CACNA1B: variants seen among roughly 807,000 people sequenced by gnomAD.
The protein encoded by CACNA1B is calcium voltage-gated channel subunit alpha1 B, also known as voltage-dependent N-type calcium channel subunit alpha-1B.
CACNA1B carries 70 observed loss-of-function variants against 247.2 expected under a neutral mutation model. That is an observed-to-expected ratio of 0.28 (90% CI 0.23 to 0.35). The LOEUF is 0.35. Among genes scored for constraint, CACNA1B ranks in the 10% least tolerant of loss-of-function variants. The probability of loss-of-function intolerance (pLI) is 1.00; values close to 1 mark genes in which losing one functional copy is unlikely to be tolerated. For missense variants in CACNA1B, 2,367 were observed against 3,197.4 expected (o/e 0.74, Z 6.26); for synonymous variants, 1,231 against 1,294.4 (o/e 0.95, Z 1.05).
intron 37 of CACNA1B, among the ~76,000 whole-genome samples, chr9:138,101,497 G>A (rs1452738141): frequency 6.6e-6 from 1 of 152,238 alleles, no homozygotes; most frequent in Non-Finnish European, 1.5e-5. Flanking sequence ...GACTTGCCCG[G>A]TTTTTCCTCC....
chr9:138,073,775 G>C lies in CACNA1B; in HGVS notation c.4791+171G>C, dbSNP rs1348063859. Among the ~76,000 whole-genome samples the C allele has an allele frequency of 2.6e-5, 4 of 152,212 alleles. No individual in the cohort carries two copies. The highest frequency in any genetic ancestry group is 5.9e-5 in the Non-Finnish European group (4 of 68,034). ...TTTATAAAGACGTTTTAAGTCATCT[G>C]TAGGTTCCCTTGGTCATGCTCACAA... On this transcript the variant is annotated intron_variant, in intron 33 of 46. Coordinates refer to ENST00000371372, the MANE Select transcript of CACNA1B (RefSeq NM_000718.4). The surrounding 1 kb of genome is among the most constrained non-coding windows in gnomAD (Gnocchi z 6.4).
At position 137,879,211 on chromosome 9, in the gene CACNA1B, A is replaced by G. The variant is rs1301411716; in HGVS notation, c.390+52A>G. ...AGGGTGGTGGGGAGGCCGCGACTCCACTTTCCTTTATGGTCTGTGCCTGAG... is the reference window on the plus strand; with the variant it reads ...AGGGTGGTGGGGAGGCCGCGACTCCGCTTTCCTTTATGGTCTGTGCCTGAG... On this transcript the variant is annotated intron_variant, in intron 2 of 46. Transcript: ENST00000371372. 2.6e-6 allele frequency: 3 copies of G among 1,171,692 alleles called. No individual in the cohort carries two copies. In the East Asian group the frequency reaches 7.3e-5, roughly 28 times the overall value. 72.6% of individuals were successfully genotyped at this position (1,171,692 alleles called of 1,614,324 possible). A position where few individuals can be genotyped will look rare whatever the true frequency, so the allele number is the denominator to read the frequency against.
chr9:137,933,527 T>C (rs1433032105), intron 6 of CACNA1B, among the ~76,000 whole-genome samples: 2 of 152,240 alleles, frequency 1.3e-5, no homozygotes, highest in East Asian at 1.9e-4. Flanking sequence ...TTACTGCTTA[T>C]CCTGTCATTG....
At chr9:138,068,865 G>A (rs1960024215) in intron 31 of CACNA1B, among the ~76,000 whole-genome samples, 1 of 152,224 alleles carries the variant, frequency 6.6e-6, no homozygotes, top group Non-Finnish European at 1.5e-5. Context: ...TAGGGCAGAG[G>A]CCTTGATACA....
intron 18 of CACNA1B, chr9:138,017,164 G>C (rs572878382): frequency 1.2e-4 from 64 of 519,092 alleles, no homozygotes; most frequent in South Asian, 8.2e-4. Context: ...TCGAGGTACT[G>C]TATCTCGCAG....
At chr9:137,883,191 G>A (rs1588975024) in intron 3 of CACNA1B, among the ~76,000 whole-genome samples, 1 of 152,090 alleles carries the variant, frequency 6.6e-6, no homozygotes, top group Non-Finnish European at 1.5e-5. Flanking sequence ...AGCCAGCATG[G>A]TGCCTGTTGG....
Position 137,957,242 on chromosome 9 carries a change from C to A in CACNA1B, c.1244-356C>A, listed in dbSNP as rs1360566054. ...ACAGCATGGGCACTTCCGTGGCAAT[C>A]TCAGCCGGCCCCATGCCTGCGGCTC... is the stretch of plus-strand genomic sequence containing the variant. On this transcript the variant is annotated intron_variant, in intron 9 of 46. Coordinates refer to ENST00000371372, the MANE Select transcript of CACNA1B (RefSeq NM_000718.4). This position sits in a 1 kb window ranked among gnomAD's most constrained non-coding sequence, Gnocchi z 4.7. 6.6e-6 allele frequency among the ~76,000 whole-genome samples: 1 copy of A among 152,258 alleles called. No individual in the cohort carries two copies. The highest frequency in any genetic ancestry group is 1.5e-5 in the Non-Finnish European group (1 of 68,040).
At chr9:138,008,888 A>T (rs1958688263) in intron 16 of CACNA1B, among the ~76,000 whole-genome samples, 2 of 152,200 alleles carry the variant, frequency 1.3e-5, no homozygotes, top group Non-Finnish European at 2.9e-5. Context: ...CGTCCCATAG[A>T]GGATTGCCCA....
At chr9:138,081,876 A>C (rs930954076) in intron 36 of CACNA1B, among the ~76,000 whole-genome samples, 2 of 151,068 alleles carry the variant, frequency 1.3e-5, no homozygotes, top group Non-Finnish European at 2.9e-5. Flanking sequence ...GTAATCGAAA[A>C]CTTCCCAATA....
intron 40 of CACNA1B, among the ~76,000 whole-genome samples, chr9:138,114,034 G>A (rs1961765732): frequency 6.6e-6 from 1 of 152,186 alleles, no homozygotes; most frequent in Non-Finnish European, 1.5e-5. Context: ...AGACGTGAGG[G>A]AGCGCAGGAA....
Position 138,023,684 on chromosome 9 carries a change from G to T in CACNA1B, c.2941G>T (p.Ala981Ser), listed in dbSNP as rs1042088019. ...SGEEPARRHR[A>S]RHKAQPAHEA... is the part of the protein sequence containing the mutation. ...GGAGGAGCCGGCGCGGCGGCACCGG[G>T]CCCGGCACAAGGCGCAGCCTGCTCA... is the stretch of plus-strand genomic sequence containing the variant. The change falls in exon 19 of 47, where the codon GCC (alanine) becomes TCC (serine). Residue 981 changes from alanine (A) to serine (S), a missense_variant. By Grantham distance (99) the Ala-to-Ser change is moderately conservative (BLOSUM62 1). This residue lies in a region of CACNA1B where 631 missense variants were observed against 631.1 expected (regional missense o/e 1.00). Coordinates refer to ENST00000371372, the MANE Select transcript of CACNA1B (RefSeq NM_000718.4). 6.6e-6 allele frequency: 10 copies of T among 1,520,212 alleles called. No individual in the cohort carries two copies. In the South Asian group the frequency reaches 8.5e-5, roughly 13 times the overall value. The allele number at this position is 1,520,212 out of a possible 1,614,324, so 94.2% of individuals were successfully genotyped here. A position where few individuals can be genotyped will look rare whatever the true frequency, so the allele number is the denominator to read the frequency against.
chr9:138,062,021 C>T (rs1306289769), intron 31 of CACNA1B, among the ~76,000 whole-genome samples: 2 of 152,180 alleles, frequency 1.3e-5, no homozygotes, highest in East Asian at 3.9e-4. Context: ...CGACTTATCC[C>T]AGTGCTTGGT....
At chr9:138,006,367 C>G (rs891196541) in intron 15 of CACNA1B, among the ~76,000 whole-genome samples, 1 of 152,174 alleles carries the variant, frequency 6.6e-6, no homozygotes, top group Non-Finnish European at 1.5e-5. Flanking sequence ...GCTGGGTGGC[C>G]GTGTGCAGCC....
intron 3 of CACNA1B, among the ~76,000 whole-genome samples, chr9:137,893,178 A>G (rs73668498): frequency 0.012 from 1,891 of 151,338 alleles, 23 homozygotes; most frequent in Middle Eastern, 0.029. Context: ...GCTAGAAGTG[A>G]GCAGCACAGC....
At position 138,043,715 on chromosome 9, in the gene CACNA1B, A is replaced by G. The variant is rs541650433; in HGVS notation, c.3287-59A>G. 4 of 1,601,354 alleles carry G rather than the reference A, an allele frequency of 2.5e-6. No homozygotes were observed. In the East Asian group the frequency reaches 6.7e-5, roughly 27 times the overall value. ...GGGGCATGGGAGCTGGGAGGGAGCC[A>G]CGCAACGTGGGCTTCATGTGCACTA... On this transcript the variant is annotated intron_variant, in intron 20 of 46. Coordinates refer to ENST00000371372, the MANE Select transcript of CACNA1B (RefSeq NM_000718.4).
chr9:137,961,155 G>A (rs780001481), intron 10 of CACNA1B, among the ~76,000 whole-genome samples: 1 of 151,682 alleles, frequency 6.6e-6, no homozygotes, highest in South Asian at 2.1e-4. Context: ...ATTTTTTTGT[G>A]GCAATTGCAA....
At chr9:137,893,725 T>C (rs537149284) in intron 3 of CACNA1B, among the ~76,000 whole-genome samples, 2 of 152,142 alleles carry the variant, frequency 1.3e-5, no homozygotes, top group East Asian at 3.9e-4. Context: ...AGATTCATAA[T>C]AGGCAGTTGT....
intron 22 of CACNA1B, 37 bp downstream of exon 22, chr9:138,047,070 T>C: frequency 6.4e-7 from 1 of 1,573,962 alleles, no homozygotes; most frequent in East Asian, 2.3e-5. Context: ...CGCCAGGCTG[T>C]GGCGGGGGAG....
intron 11 of CACNA1B, 67 bp from the exon 12 acceptor site, chr9:137,975,840 A>G (rs556543127): frequency 5.3e-6 from 5 of 937,992 alleles, no homozygotes; most frequent in South Asian, 2.7e-5. Context: ...GGTGTCCTCC[A>G]GTCTGGGCTG....
Sources: gnomAD v4.1 joint callset for allele counts (sites outside exome capture counted in the v4.1 genomes callset) on GRCh38, gnomAD v4.1.1 for gene constraint, gnomAD v4.1.1 regional missense constraint, Gnocchi (gnomAD v3.1) non-coding constraint, MANE v1.5 for transcripts, NCBI Gene and HGNC (gene_info 2026-07-23, HGNC 2026-07-21) for gene names.